ANKRD24: variants seen among roughly 807,000 people sequenced by gnomAD.
The protein encoded by ANKRD24 is ankyrin repeat domain-containing protein 24.
A neutral mutation model predicts 127.8 loss-of-function variants in ANKRD24; 109 were observed. That is an observed-to-expected ratio of 0.85 (90% CI 0.73 to 1.00). The LOEUF (loss-of-function observed/expected upper bound fraction) is 1.00. ANKRD24 is among the 50% of genes least tolerant of loss of function. The probability of loss-of-function intolerance (pLI) is 0.00; values close to 1 mark genes in which losing one functional copy is unlikely to be tolerated. For synonymous variants in ANKRD24, 743 were observed against 671.1 expected, an observed-to-expected ratio of 1.11 and a Z score of -1.66; for missense variants, 1,648 against 1,570.2, an observed-to-expected ratio of 1.05 and a Z score of -0.84.
Position 4,215,893 on chromosome 19 carries a change from C to T in ANKRD24, c.1198-85C>T, listed in dbSNP as rs1252503030. 3.7e-6 allele frequency: 4 copies of T among 1,091,982 alleles called. No individual in the cohort carries two copies. In the African/African-American group the frequency reaches 4.7e-5, roughly 13 times the overall value. The allele number at this position is 1,091,982 out of a possible 1,614,324, so 67.6% of individuals were successfully genotyped here. ...CGTGGGAGACATACAGGTATGTGAACAGCCCAGTCCCCACTGGAGTCTTGG... is the reference window on the plus strand; with the variant it reads ...CGTGGGAGACATACAGGTATGTGAATAGCCCAGTCCCCACTGGAGTCTTGG... On this transcript the variant is annotated intron_variant, in intron 15 of 21. Coordinates refer to ENST00000318934, the MANE Select transcript of ANKRD24 (RefSeq NM_001393985.1).
In ANKRD24 at chr19:4,198,393, A is replaced by G. The variant is rs903695361; in HGVS notation, c.37-1290A>G. On this transcript the variant is annotated intron_variant, in intron 2 of 21. Transcript: ENST00000318934. The surrounding 1 kb of genome is among the most constrained non-coding windows in gnomAD (Gnocchi z 6.1). ...GGGGCGGGGAGCTCCGGCAGCGCCC[A>G]GCCCCGCCCTCCGGCCGCTCCCCGC... 23 of 442,094 alleles carry G rather than the reference A, an allele frequency of 5.2e-5. No individual in the cohort carries two copies. Among genetic ancestry groups the G allele is most frequent in the Non-Finnish European group, 1.2e-5 (3 of 251,140 alleles). The allele number at this position is 442,094 out of a possible 1,614,324, so 27.4% of individuals were successfully genotyped here.
intron 11 of ANKRD24, among the ~76,000 whole-genome samples, chr19:4,209,729 G>C (rs1253085223): frequency 6.6e-6 from 1 of 152,204 alleles, no homozygotes; most frequent in Non-Finnish European, 1.5e-5. Context: ...TGGGATTACA[G>C]GTGTGAGCCA....
At chr19:4,185,737 G>A (rs955401548) in intron 1 of ANKRD24, among the ~76,000 whole-genome samples, 7 of 152,212 alleles carry the variant, frequency 4.6e-5, no homozygotes, top group Non-Finnish European at 7.3e-5. Flanking sequence ...TAGCAAACAT[G>A]CCTCTGTGCT....
At chr19:4,215,006 C>T (rs1255445534) in intron 15 of ANKRD24, among the ~76,000 whole-genome samples, 1 of 152,232 alleles carries the variant, frequency 6.6e-6, no homozygotes, top group Non-Finnish European at 1.5e-5. Flanking sequence ...CATCCACTCT[C>T]ATGCAGACAA....
intron 11 of ANKRD24, among the ~76,000 whole-genome samples, chr19:4,209,641 G>T (rs1253341547): frequency 1.3e-5 from 2 of 151,714 alleles, no homozygotes; most frequent in East Asian, 3.9e-4. Context: ...AGTAGGGTCG[G>T]GGTTTCACTC....
At chr19:4,186,972 A>G (rs554733648) in intron 2 of ANKRD24, among the ~76,000 whole-genome samples, 1 of 152,324 alleles carries the variant, frequency 6.6e-6, no homozygotes, top group South Asian at 2.1e-4. Flanking sequence ...AAGATAAATA[A>G]GTGACAATGT....
At chr19:4,219,478 C>G in intron 18 of ANKRD24, 113 bp from the exon 19 acceptor site, 1 of 1,321,502 alleles carries the variant, frequency 7.6e-7, no homozygotes, top group South Asian at 1.5e-5. Flanking sequence ...AAGACCCTGT[C>G]TTAAAAAAAA....
At position 4,198,076 on chromosome 19, in the gene ANKRD24, G is replaced by T; in HGVS notation, c.37-1607G>T. 2.3e-6 allele frequency: 1 copy of T among 442,262 alleles called. No homozygotes were observed. Among genetic ancestry groups the T allele is most frequent in the Non-Finnish European group, 4.0e-6 (1 of 248,050 alleles). 27.4% of individuals were successfully genotyped at this position (442,262 alleles called of 1,614,324 possible). On this transcript the variant is annotated intron_variant, in intron 2 of 21. Coordinates refer to ENST00000318934, the MANE Select transcript of ANKRD24 (RefSeq NM_001393985.1). This position sits in a 1 kb window ranked among gnomAD's most constrained non-coding sequence, Gnocchi z 6.1. ...AGGCTGCGGACGTCGCGGGCCCGGA[G>T]GCACCTGCGCGCCCTTGGCCGACTC...
chr19:4,223,090 C>T (rs1455402877), intron 20 of ANKRD24, among the ~76,000 whole-genome samples: 1 of 151,936 alleles, frequency 6.6e-6, no homozygotes, highest in Non-Finnish European at 1.5e-5. Context: ...GAATTACAGG[C>T]ACGCACCACC....
chr19:4,201,074 C>G (rs1285084342), intron 5 of ANKRD24, among the ~76,000 whole-genome samples: 1 of 152,014 alleles, frequency 6.6e-6, no homozygotes, highest in East Asian at 1.9e-4. Flanking sequence ...TATGGGATAG[C>G]TGGGATCTAG....
chr19:4,219,447 G>A (rs1159098808), intron 18 of ANKRD24, 144 bp from the exon 19 acceptor site: 3 of 844,088 alleles, frequency 3.6e-6, no homozygotes, highest in Non-Finnish European at 5.2e-6. Context: ...AGCCAGGAGT[G>A]CAGGTCCGGA....
intron 11 of ANKRD24, among the ~76,000 whole-genome samples, chr19:4,209,673 G>T (rs539717069): frequency 7.8e-4 from 117 of 150,092 alleles, no homozygotes; most frequent in Non-Finnish European, 7.3e-4. Context: ...GGCTGCTCTC[G>T]AACTCCTGAC....
At position 4,207,891 on chromosome 19, in the gene ANKRD24, A is replaced by G. The variant is rs769617334; in HGVS notation, c.755A>G (p.His252Arg). 14 of 1,556,226 alleles carry G rather than the reference A, an allele frequency of 9.0e-6. No individual in the cohort carries two copies. Among genetic ancestry groups the G allele is most frequent in the Non-Finnish European group, 1.2e-5 (14 of 1,152,882 alleles). Residue 252 changes from histidine (H) to arginine (R), a missense_variant, in exon 10 of 22, where the codon CAC becomes CGC. By Grantham distance (29) the His-to-Arg change is conservative (BLOSUM62 0). Transcript: ENST00000318934. ...GATGCGCTGGGGCAGGACGCGGCTC[A>G]CTATGGCGCCCTGGCGGGGGACAAA... is the stretch of plus-strand genomic sequence containing the variant. ...ITDALGQDAA[H>R]YGALAGDKLI...
At chr19:4,224,068 G>T in intron 20 of ANKRD24, 59 bp from the exon 21 acceptor site, 1 of 1,472,844 alleles carries the variant, frequency 6.8e-7, no homozygotes, top group Non-Finnish European at 9.3e-7. Flanking sequence ...TTTTTGGTGT[G>T]TTTTGCTCAG....
At chr19:4,209,116 GT>G (rs201464721) in intron 11 of ANKRD24, 14 of 252,364 alleles carry the variant, frequency 5.5e-5, no homozygotes, top group East Asian at 1.7e-4. Context: ...GTTTTTTTGT[GT>G]TTTTTTTCCC....
At chr19:4,196,642 T>C (rs1413433914) in intron 2 of ANKRD24, among the ~76,000 whole-genome samples, 1 of 152,202 alleles carries the variant, frequency 6.6e-6, no homozygotes, top group Non-Finnish European at 1.5e-5. Flanking sequence ...CCCAAAGTTT[T>C]GGGATTACAG....
At chr19:4,208,983 C>A in intron 11 of ANKRD24, 182 bp downstream of exon 11, 1 of 472,776 alleles carries the variant, frequency 2.1e-6, no homozygotes, top group Non-Finnish European at 3.7e-6. Flanking sequence ...ACTCCCAGAA[C>A]TGGGTGAGAA....
chr19:4,222,893 G>A, intron 20 of ANKRD24, 98 bp downstream of exon 20: 1 of 1,348,984 alleles, frequency 7.4e-7, no homozygotes. Flanking sequence ...CCAGGAGAGG[G>A]GCTGGGGTAG....
At chr19:4,194,589 C>G (rs941236246) in intron 2 of ANKRD24, among the ~76,000 whole-genome samples, 1 of 152,176 alleles carries the variant, frequency 6.6e-6, no homozygotes, top group African/African-American at 2.4e-5. Context: ...ATCTGGGCTG[C>G]TGTGAGCAGT....
Sources: gnomAD v4.1 joint callset for allele counts (sites outside exome capture counted in the v4.1 genomes callset) on GRCh38, gnomAD v4.1.1 for gene constraint, Gnocchi (gnomAD v3.1) non-coding constraint, MANE v1.5 for transcripts, NCBI Gene and HGNC (gene_info 2026-07-23, HGNC 2026-07-21) for gene names.